Variants in DDX60 observed in about 807,000 individuals in gnomAD.
The protein encoded by DDX60 is probable ATP-dependent RNA helicase DDX60.
DDX60 carries 165 observed loss-of-function variants against 212.8 expected under a neutral mutation model. The ratio of observed to expected loss-of-function variants is 0.78; its 90% CI spans 0.68 to 0.88. DDX60 has a LOEUF of 0.88. Ranked by LOEUF, DDX60 falls within the 40% of genes least tolerant of loss-of-function variation. DDX60 has a pLI of 0.00. For synonymous variants in DDX60, 703 were observed against 685.3 expected (o/e 1.03, Z -0.40); for missense variants, 1,905 against 2,003.9 (o/e 0.95, Z 0.94).
intron 8 of DDX60, among the ~76,000 whole-genome samples, chr4:168,289,547 A>G (rs1314700825): frequency 6.6e-6 from 1 of 152,198 alleles, no homozygotes; most frequent in East Asian, 1.9e-4. Context: ...CCACAGGGTA[A>G]CAATTCCTAA....
intron 1 of DDX60, among the ~76,000 whole-genome samples, chr4:168,318,125 A>G (rs929946247): frequency 4.6e-5 from 7 of 152,178 alleles, no homozygotes; most frequent in African/African-American, 1.7e-4. Flanking sequence ...GTAGGAAATA[A>G]ATTTCTATTG....
chr4:168,232,361 T>A (rs1281907634), intron 33 of DDX60, among the ~76,000 whole-genome samples: 2 of 151,808 alleles, frequency 1.3e-5, no homozygotes. Flanking sequence ...GAAAAAACAA[T>A]CTTAAAATTC....
intron 3 of DDX60, among the ~76,000 whole-genome samples, chr4:168,310,015 T>C (rs1290838701): frequency 6.6e-6 from 1 of 152,158 alleles, no homozygotes; most frequent in Non-Finnish European, 1.5e-5. Context: ...GTCTCTCAGA[T>C]GTACAACAAA....
intron 22 of DDX60, chr4:168,265,581 T>C (rs957527542): frequency 2.0e-5 from 3 of 152,110 alleles, no homozygotes; most frequent in Non-Finnish European, 4.4e-5. Context: ...ACTGTAGCAG[T>C]TCTATTGCTT....
rs1735221166 is a variant in DDX60 at position 168,274,078 on chromosome 4, C to T, written c.2310G>A (p.Glu770=). 1 of 1,614,016 alleles carries T rather than the reference C, an allele frequency of 6.2e-7. No homozygotes were observed. Among genetic ancestry groups the T allele is most frequent in the Non-Finnish European group, 8.5e-7 (1 of 1,180,014 alleles). Residue 770 remains glutamate, a synonymous_variant, in exon 17 of 38, where the codon GAG becomes GAA. Coordinates refer to ENST00000393743, the MANE Select transcript of DDX60 (RefSeq NM_017631.6). ...QDFIPDTWQR[E]LLDVVDKNES... is the part of the protein sequence containing the mutation. ...CATTCTTATCCACAACATCAAGGAGCTCTCGCTGCAGGGTGCAGAGTACCA... is the reference window on the plus strand; with the variant it reads ...CATTCTTATCCACAACATCAAGGAGTTCTCGCTGCAGGGTGCAGAGTACCA...
intron 35 of DDX60, among the ~76,000 whole-genome samples, chr4:168,222,596 C>T (rs912742900): frequency 3.3e-5 from 5 of 152,036 alleles, no homozygotes; most frequent in African/African-American, 1.2e-4. Context: ...CTAAACAAGA[C>T]TCTATTATTA....
intron 1 of DDX60, among the ~76,000 whole-genome samples, chr4:168,318,192 TA>T (rs1394866056): frequency 6.6e-6 from 1 of 152,232 alleles, no homozygotes; most frequent in African/African-American, 2.4e-5. Context: ...ATCTTATTAA[TA>T]AACGCAGATT....
At chr4:168,311,175 T>A in intron 2 of DDX60, 81 bp downstream of exon 2, 2 of 1,519,972 alleles carry the variant, frequency 1.3e-6, no homozygotes, top group Non-Finnish European at 1.8e-6. Context: ...AGTAATGTGG[T>A]TATTTTAATT....
chr4:168,261,632 G>T (rs901865060), intron 24 of DDX60, among the ~76,000 whole-genome samples: 1 of 152,142 alleles, frequency 6.6e-6, no homozygotes, highest in African/African-American at 2.4e-5. Flanking sequence ...ACAATAAACT[G>T]CAAGTCAAAA....
Position 168,288,292 on chromosome 4 carries a change from G to A in DDX60, c.1065C>T (p.Ile355=). The change falls in exon 9 of 38, where the codon ATC becomes ATT. Residue 355 remains isoleucine, a synonymous_variant. Transcript: ENST00000393743. ...LQMKKWCEYF[I]LRNIHTFEFW... ...ATTCAAAAGTATGTATATTTCTTAA[G>A]ATGAAATATTCACACCACTTTTTCT... The A allele has an allele frequency of 1.4e-6, 2 of 1,480,362 alleles. No homozygotes were observed. The highest frequency in any genetic ancestry group is 1.8e-6 in the Non-Finnish European group (2 of 1,084,086). 91.7% of individuals were successfully genotyped at this position (1,480,362 alleles called of 1,614,324 possible).
At chr4:168,311,848 T>C (rs918431905) in intron 1 of DDX60, among the ~76,000 whole-genome samples, 1 of 152,118 alleles carries the variant, frequency 6.6e-6, no homozygotes, top group Non-Finnish European at 1.5e-5. Flanking sequence ...TTTCTTTTCG[T>C]CCTAGAATGA....
chr4:168,237,495 C>A, intron 31 of DDX60, 68 bp from the exon 32 acceptor site: 1 of 1,420,310 alleles, frequency 7.0e-7, no homozygotes, highest in Non-Finnish European at 9.4e-7. Flanking sequence ...TATTAAGTAC[C>A]AGTTTAAAAT....
chr4:168,316,091 G>A (rs1268058988), intron 1 of DDX60, among the ~76,000 whole-genome samples: 3 of 152,146 alleles, frequency 2.0e-5, no homozygotes, highest in Admixed American at 6.5e-5. Context: ...CATCAAGAAT[G>A]AAGACAATCA....
chr4:168,225,381 AT>A (rs897733887), intron 34 of DDX60, 147 bp downstream of exon 34: 5 of 826,990 alleles, frequency 6.0e-6, no homozygotes, highest in South Asian at 2.1e-5. Context: ...AATAAGCAAA[AT>A]TTTTTTCTTT....
At chr4:168,275,592 A>G (rs1320768011) in intron 15 of DDX60, 89 bp from the exon 16 acceptor site, 2 of 1,142,210 alleles carry the variant, frequency 1.8e-6, no homozygotes, top group Non-Finnish European at 2.4e-6. Context: ...AGCACTTTCT[A>G]TGTGAAAAGC....
intron 19 of DDX60, among the ~76,000 whole-genome samples, chr4:168,270,699 A>C (rs1331375176): frequency 6.6e-6 from 1 of 152,218 alleles, no homozygotes; most frequent in African/African-American, 2.4e-5. Flanking sequence ...GTATCAAACA[A>C]ATCCAAAGCA....
chr4:168,285,716 T>C (rs1298886232), intron 10 of DDX60, among the ~76,000 whole-genome samples: 3 of 143,504 alleles, frequency 2.1e-5, no homozygotes, highest in African/African-American at 8.0e-5. Flanking sequence ...GGCATATATG[T>C]GGATATGCAT....
At chr4:168,278,813 C>T (rs980910273) in intron 14 of DDX60, among the ~76,000 whole-genome samples, 11 of 152,102 alleles carry the variant, frequency 7.2e-5, no homozygotes, top group Non-Finnish European at 1.0e-4. Flanking sequence ...GGTGACAGAG[C>T]GAGGCTCCAT....
Position 168,287,162 on chromosome 4 carries a change from C to A in DDX60, c.1225G>T (p.Glu409Ter). 6.2e-7 allele frequency: 1 copy of A among 1,609,676 alleles called. No homozygotes were observed. The highest frequency in any genetic ancestry group is 8.5e-7 in the Non-Finnish European group (1 of 1,178,166). ...NLGDTIMKDYEYLWNTVSKLV... is the reference protein window; with the variant it reads ...NLGDTIMKDY ...TTTGATACGGTATTCCAGAGATATT[C>A]ATAATCTTTCATAATGGTATCTCCC... Residue 409 changes from glutamate (E) to a stop codon, truncating the protein, a stop_gained, in exon 10 of 38, where the codon GAA becomes TAA. Transcript: ENST00000393743. LOFTEE classifies it high-confidence loss of function.
Sources: allele counts gnomAD v4.1 joint callset (sites outside exome capture counted in the v4.1 genomes callset), GRCh38; gene constraint gnomAD v4.1.1; transcripts MANE v1.5; gene names NCBI Gene and HGNC (gene_info 2026-07-23, HGNC 2026-07-21).